Variants in MPDZ observed in about 807,000 individuals in gnomAD.
MPDZ encodes the protein multiple PDZ domain crumbs cell polarity complex component.
Under a neutral mutation model 239.1 loss-of-function variants are expected in MPDZ, and 234 were observed. The observed-to-expected ratio is 0.98, with a 90% CI of 0.88 to 1.09. The LOEUF is 1.09. MPDZ is among the 50% of genes least tolerant of loss of function. The pLI, the probability that MPDZ is intolerant of heterozygous loss-of-function variation, is 0.00. For missense variants in MPDZ, 3,175 were observed against 2,510.0 expected (o/e 1.26, Z -5.66); for synonymous variants, 1,048 against 881.3 (o/e 1.19, Z -3.35).
At chr9:13,119,475 C>T (rs753584708) in intron 39 of MPDZ, 27 bp downstream of exon 39, 12 of 1,599,650 alleles carry the variant, frequency 7.5e-6, no homozygotes, top group South Asian at 4.5e-5. Context: ...TACGCTATTA[C>T]ACAGAATTAT....
chr9:13,264,702 G>A (rs1971436470), intron 1 of MPDZ, among the ~76,000 whole-genome samples: 1 of 150,484 alleles, frequency 6.6e-6, no homozygotes, highest in African/African-American at 2.4e-5. Context: ...AGGGAACTAT[G>A]GATTCTAACA....
Position 13,110,075 on chromosome 9 carries a change from G to A in MPDZ, c.5830-11C>T, listed in dbSNP as rs773075447. 1 of 1,603,324 alleles carries A rather than the reference G, an allele frequency of 6.2e-7. No individual in the cohort carries two copies. Among genetic ancestry groups the A allele is most frequent in the East Asian group, 2.2e-5 (1 of 44,742 alleles). On this transcript the variant is annotated splice_polypyrimidine_tract_variant and intron_variant, in intron 44 of 46. Transcript: ENST00000319217. Reference sequence around the variant, plus strand: ...TCCTCCAGCAACCACCTGCGCACAGGAGGAGGATAAACAGAAAAAACACAT... The same window carrying A: ...TCCTCCAGCAACCACCTGCGCACAGAAGGAGGATAAACAGAAAAAACACAT...
intron 10 of MPDZ, among the ~76,000 whole-genome samples, chr9:13,212,467 G>T (rs1021225374): frequency 6.6e-6 from 1 of 151,874 alleles, no homozygotes; most frequent in Admixed American, 6.6e-5. Context: ...AATCTCCAAG[G>T]CTTTTCTGGG....
At chr9:13,233,200 C>G (rs950461369) in intron 3 of MPDZ, among the ~76,000 whole-genome samples, 1 of 152,078 alleles carries the variant, frequency 6.6e-6, no homozygotes, top group South Asian at 2.1e-4. Context: ...CTTAAGTGAA[C>G]ATCCAAGAGA....
chr9:13,178,176 G>A (rs1021295905), intron 19 of MPDZ, among the ~76,000 whole-genome samples: 8 of 151,108 alleles, frequency 5.3e-5, no homozygotes, highest in South Asian at 4.2e-4. Context: ...GGAGAATGGC[G>A]TGAATCCAGG....
chr9:13,142,434 C>G (rs1169857604), intron 27 of MPDZ, among the ~76,000 whole-genome samples: 1 of 152,144 alleles, frequency 6.6e-6, no homozygotes, highest in Non-Finnish European at 1.5e-5. Flanking sequence ...GATCATGTAT[C>G]TGCCTCGTTA....
intron 1 of MPDZ, among the ~76,000 whole-genome samples, chr9:13,272,834 G>C (rs1973314109): frequency 6.6e-6 from 1 of 151,958 alleles, no homozygotes; most frequent in Non-Finnish European, 1.5e-5. Flanking sequence ...AAATACATAA[G>C]CTTTATGAAA....
At chr9:13,172,294 T>G (rs1951871865) in intron 21 of MPDZ, among the ~76,000 whole-genome samples, 2 of 152,052 alleles carry the variant, frequency 1.3e-5, no homozygotes, top group Admixed American at 6.6e-5. Context: ...GCAGAAAAGT[T>G]AAACTAATTG....
rs1182530565 is a variant in MPDZ, at chr9:13,186,323, A to T, written c.2428T>A (p.Cys810Ser). The T allele has an allele frequency of 6.3e-7, 1 of 1,596,946 alleles. No homozygotes were observed. The change falls in exon 18 of 47, where the codon TGT (cysteine) becomes AGT (serine). Residue 810 changes from cysteine (C) to serine (S), a missense_variant. By Grantham distance (112) the Cys-to-Ser change is moderately radical (BLOSUM62 -1). Transcript: ENST00000319217. ...TTGTCAGCCAGCCCTGCTTCCTCAC[A>T]GGAGTGTGGTGGGTAGAGAAAGGAA... ...EDSFLYPPHS[C>S]EEAGLADKPL...
chr9:13,230,544 A>G (rs2136705462), intron 3 of MPDZ, among the ~76,000 whole-genome samples: 1 of 152,312 alleles, frequency 6.6e-6, no homozygotes. Context: ...TTATGATTTT[A>G]TTTTTATAAC....
chr9:13,177,708 C>G lies in MPDZ; in HGVS notation c.2650-1291G>C, dbSNP rs146869025. ...TGCCTGAGTTCAAATCCTGGCTCAA[C>G]ACTAATTAAATGTTAGAGCTTGGAC... On this transcript the variant is annotated intron_variant, in intron 19 of 46. Coordinates refer to ENST00000319217, the MANE Select transcript of MPDZ (RefSeq NM_001378778.1). Among the ~76,000 whole-genome samples the G allele has an allele frequency of 1.9e-3, 292 of 152,230 alleles. 3 individuals are homozygous for G. Among genetic ancestry groups the G allele is most frequent in the African/African-American group, 6.5e-3 (270 of 41,542 alleles).
chr9:13,108,999 T>TA lies in MPDZ; in HGVS notation c.6002dup (p.Val2002SerfsTer16). On this transcript the variant is annotated frameshift_variant, in exon 46 of 47. Transcript: ENST00000319217. LOFTEE classifies it high-confidence loss of function. ...CATGAGGGCTGCCATATCCTCCAAC[T>TA]ATACTGAAGCCTAAGCCATCTGGTC... 1 of 1,603,298 alleles carries TA rather than the reference T, an allele frequency of 6.2e-7. No individual in the cohort carries two copies. Among genetic ancestry groups the TA allele is most frequent in the Non-Finnish European group, 8.5e-7 (1 of 1,174,114 alleles).
intron 12 of MPDZ, among the ~76,000 whole-genome samples, chr9:13,204,463 A>G (rs1956768586): frequency 6.6e-6 from 1 of 152,094 alleles, no homozygotes; most frequent in Non-Finnish European, 1.5e-5. Context: ...ATTTTTAAAA[A>G]TAGCTTAATG....
chr9:13,182,054 G>C lies in MPDZ; in HGVS notation c.2649+1364C>G, dbSNP rs546853076. On this transcript the variant is annotated intron_variant, in intron 19 of 46. Coordinates refer to ENST00000319217, the MANE Select transcript of MPDZ (RefSeq NM_001378778.1). ...TTTGCAAGGATAACAGGTGCACCTT[G>C]AACATAAAAGAAAATGCTTTGAAAA... 9.9e-5 allele frequency among the ~76,000 whole-genome samples: 15 copies of C among 152,210 alleles called. No homozygotes were observed. In the East Asian group the frequency reaches 2.9e-3, roughly 29 times the overall value.
chr9:13,146,832 C>T (rs1303654467), intron 26 of MPDZ, among the ~76,000 whole-genome samples: 1 of 152,018 alleles, frequency 6.6e-6, no homozygotes, highest in Non-Finnish European at 1.5e-5. Context: ...AGCATCAAGT[C>T]ATAACAAATC....
intron 45 of MPDZ, among the ~76,000 whole-genome samples, 191 bp downstream of exon 45, chr9:13,109,761 T>C (rs1191969375): frequency 6.6e-6 from 1 of 152,174 alleles, no homozygotes; most frequent in African/African-American, 2.4e-5. Flanking sequence ...TCTCTACTTA[T>C]CTTTGATCAG....
chr9:13,165,645 C>G, intron 22 of MPDZ: 1 of 429,246 alleles, frequency 2.3e-6, no homozygotes, highest in Non-Finnish European at 4.1e-6. Context: ...TGCAATCAGT[C>G]TTTTATTCCT....
intron 21 of MPDZ, among the ~76,000 whole-genome samples, chr9:13,173,245 C>T (rs13283251): frequency 0.095 from 14,434 of 152,114 alleles, 903 homozygotes; most frequent in Non-Finnish European, 0.13. Context: ...CAGAAATGTA[C>T]TCTTAAAAAT....
chr9:13,270,371 T>G (rs1972697330), intron 1 of MPDZ, among the ~76,000 whole-genome samples: 3 of 152,182 alleles, frequency 2.0e-5, no homozygotes, highest in Admixed American at 2.0e-4. Flanking sequence ...CATAACAGAA[T>G]GAAGACATCT....
Sources: allele counts gnomAD v4.1 joint callset (sites outside exome capture counted in the v4.1 genomes callset), GRCh38; gene constraint gnomAD v4.1.1; transcripts MANE v1.5; gene names NCBI Gene and HGNC (gene_info 2026-07-23, HGNC 2026-07-21).